Variants in ZNF713 observed in about 807,000 individuals in gnomAD.
ZNF713 encodes the protein zinc finger protein 713.
In ZNF713, 21 loss-of-function variants were observed where a neutral mutation model predicts 28.7. The ratio of observed to expected loss-of-function variants is 0.73; its 90% CI spans 0.52 to 1.05. ZNF713 has a LOEUF of 1.05. Among genes scored for constraint, ZNF713 ranks in the 50% least tolerant of loss-of-function variants. The probability of loss-of-function intolerance (pLI) is 0.00; values close to 1 mark genes in which losing one functional copy is unlikely to be tolerated. For synonymous variants in ZNF713, 167 were observed against 178.0 expected, an observed-to-expected ratio of 0.94 and a Z score of 0.49; for missense variants, 458 against 532.4, an observed-to-expected ratio of 0.86 and a Z score of 1.37.
Position 55,939,363 on chromosome 7 carries a change from T to C in ZNF713, c.689T>C (p.Val230Ala). Residue 230 changes from valine (V) to alanine (A), a missense_variant, in exon 7 of 7, where the codon GTA becomes GCA. Physicochemically the swap from Val to Ala is moderately conservative, Grantham distance 64. Coordinates refer to ENST00000429591, the MANE Select transcript of ZNF713 (RefSeq NM_182633.3). ...TTGATTTACTATCAGGGAAATTATG[T>C]AAGAGAGACTCCCTATGAATATAGT... ...SDLIYYQGNY[V>A]RETPYEYSEC... 1 of 1,613,998 alleles carries C rather than the reference T, an allele frequency of 6.2e-7. No individual in the cohort carries two copies. Among genetic ancestry groups the C allele is most frequent in the Non-Finnish European group, 8.5e-7 (1 of 1,180,010 alleles).
intron 1 of ZNF713, among the ~76,000 whole-genome samples, chr7:55,891,784 A>AT (rs1785384130): frequency 6.6e-6 from 1 of 152,108 alleles, no homozygotes; most frequent in African/African-American, 2.4e-5. Flanking sequence ...TTCATGATAT[A>AT]TAATGGTTTG....
intron 6 of ZNF713, among the ~76,000 whole-genome samples, chr7:55,938,298 T>A (rs13243072): frequency 0.046 from 6,951 of 152,196 alleles, 328 homozygotes; most frequent in East Asian, 0.22. Flanking sequence ...TAAGTAAAGT[T>A]TAAAGAAGTT....
chr7:55,934,365 T>C (rs1456282099), intron 6 of ZNF713, among the ~76,000 whole-genome samples: 2 of 152,096 alleles, frequency 1.3e-5, no homozygotes, highest in Non-Finnish European at 1.5e-5. Context: ...TATGGGGAAA[T>C]GCTCAAGCTA....
chr7:55,887,872 GGCGGC>G (rs1562731868), intron 1 of ZNF713, among the ~76,000 whole-genome samples, 192 bp downstream of exon 1: 1 of 4,852 alleles, frequency 2.1e-4, no homozygotes, highest in African/African-American at 7.3e-4. Flanking sequence ...GGGCGGCGGC[GGCGGC>G]GGCGGCGGCG....
Position 55,887,828 on chromosome 7 carries a change from C to T in ZNF713, c.-583+148C>T, listed in dbSNP as rs1433226832. On this transcript the variant is annotated intron_variant, in intron 1 of 6. Transcript: ENST00000429591. ...GGGGCGGCGGGCGGCGGGCGGCGGG[C>T]GGCGGGCGGCGGGCGGCGGCGGCGG... is the stretch of plus-strand genomic sequence containing the variant. The T allele has an allele frequency of 2.3e-3, 15 of 6,666 alleles. 2 individuals carry two copies. Among genetic ancestry groups the T allele is most frequent in the South Asian group, 0.016 (2 of 128 alleles). The allele number at this position is 6,666 out of a possible 1,614,324, so 0.4% of individuals were successfully genotyped here. A position where few individuals can be genotyped will look rare whatever the true frequency, so the allele number is the denominator to read the frequency against.
rs1786029425 is a variant in ZNF713 at position 55,923,280 on chromosome 7, T to C, written c.206T>C (p.Val69Ala). ...DVMLENYRNL[V>A]ALGYQLCKPE... ...ATGCTGGAGAACTACAGGAATCTAG[T>C]TGCACTGGGTGAGGATGGCATCCCT... The change falls in exon 5 of 7, where the codon GTT (valine) becomes GCT (alanine). Residue 69 changes from valine (V) to alanine (A), a missense_variant. Val to Ala is a moderately conservative substitution (Grantham distance 64). Transcript: ENST00000429591. The C allele has an allele frequency of 1.4e-5, 22 of 1,611,822 alleles. No individual in the cohort carries two copies. Among genetic ancestry groups the C allele is most frequent in the Non-Finnish European group, 1.9e-5 (22 of 1,179,188 alleles).
intron 4 of ZNF713, among the ~76,000 whole-genome samples, chr7:55,914,339 A>G (rs936155692): frequency 1.3e-5 from 2 of 152,062 alleles, no homozygotes; most frequent in Non-Finnish European, 2.9e-5. Flanking sequence ...CAATAAACTC[A>G]TTGAAGGGGA....
intron 4 of ZNF713, among the ~76,000 whole-genome samples, chr7:55,919,082 GTGCC>G (rs1337255781): frequency 3.3e-5 from 5 of 152,096 alleles, no homozygotes; most frequent in Non-Finnish European, 7.4e-5. Flanking sequence ...AAAATTGAAA[GTGCC>G]AACTGGCAGT....
At position 55,912,719 on chromosome 7, in the gene ZNF713, C is replaced by A; in HGVS notation, c.83C>A (p.Ser28Tyr). The change falls in exon 4 of 7, where the codon TCT becomes TAT. Residue 28 changes from serine (S) to tyrosine (Y), a missense_variant. By Grantham distance (144) the Ser-to-Tyr change is moderately radical (BLOSUM62 -2). Transcript: ENST00000429591. ...EMNDGSQMVR[S>Y]QESLTFQDVA... ...AATGATGGCTCACAGATGGTGAGAT[C>A]TCAGGTAAGTTCAGTTTTCCTCTCC... The A allele has an allele frequency of 6.2e-7, 1 of 1,612,634 alleles. No individual in the cohort carries two copies. Among genetic ancestry groups the A allele is most frequent in the Non-Finnish European group, 8.5e-7 (1 of 1,179,168 alleles).
At chr7:55,895,538 G>A (rs770545640) in intron 1 of ZNF713, among the ~76,000 whole-genome samples, 1 of 129,668 alleles carries the variant, frequency 7.7e-6, no homozygotes, top group Non-Finnish European at 1.6e-5. Context: ...GCATGATCTC[G>A]GCTCACTGTA....
intron 1 of ZNF713, among the ~76,000 whole-genome samples, chr7:55,891,758 A>G (rs534593816): frequency 1.3e-5 from 2 of 151,764 alleles, no homozygotes; most frequent in Non-Finnish European, 2.9e-5. Context: ...TGTAATTTTT[A>G]TTTCACCCAC....
chr7:55,894,505 A>T (rs1562734795), intron 1 of ZNF713, among the ~76,000 whole-genome samples: 1 of 152,262 alleles, frequency 6.6e-6, no homozygotes, highest in Non-Finnish European at 1.5e-5. Flanking sequence ...TAAAGCAATG[A>T]TTAAATATGT....
At chr7:55,935,713 G>C (rs1331909427) in intron 6 of ZNF713, among the ~76,000 whole-genome samples, 1 of 152,140 alleles carries the variant, frequency 6.6e-6, no homozygotes, top group Non-Finnish European at 1.5e-5. Context: ...CAGCACTTTG[G>C]GAGGCCGAGG....
At position 55,940,093 on chromosome 7, in the gene ZNF713, A is replaced by T; in HGVS notation, c.*87A>T. The T allele has an allele frequency of 6.8e-7, 1 of 1,479,116 alleles. No homozygotes were observed. The highest frequency in any genetic ancestry group is 8.9e-7 in the Non-Finnish European group (1 of 1,121,018). The allele number at this position is 1,479,116 out of a possible 1,614,324, so 91.6% of individuals were successfully genotyped here. Reference sequence around the variant, plus strand: ...TATCCCATTCAATATCAAATTATTCATAGTGGAGAGAAAGCTTATACATAA... The same window carrying T: ...TATCCCATTCAATATCAAATTATTCTTAGTGGAGAGAAAGCTTATACATAA... On this transcript the variant is annotated 3_prime_UTR_variant, in exon 7 of 7. Coordinates refer to ENST00000429591, the MANE Select transcript of ZNF713 (RefSeq NM_182633.3).
In ZNF713 at chr7:55,940,718, G is replaced by T. The variant is rs1786449724; in HGVS notation, c.*712G>T. The T allele has an allele frequency of 4.7e-6, 1 of 211,110 alleles. No individual in the cohort carries two copies. Among genetic ancestry groups the T allele is most frequent in the Non-Finnish European group, 7.9e-6 (1 of 126,742 alleles). The allele number at this position is 211,110 out of a possible 1,614,324, so 13.1% of individuals were successfully genotyped here. A position where few individuals can be genotyped will look rare whatever the true frequency, so the allele number is the denominator to read the frequency against. On this transcript the variant is annotated 3_prime_UTR_variant, in exon 7 of 7. Transcript: ENST00000429591. Reference sequence around the variant, plus strand: ...ATCATGCCACTGTACTCCAGCCTGGGCAACAGAGCAAGACTCTGTCTCAAA... The same window carrying T: ...ATCATGCCACTGTACTCCAGCCTGGTCAACAGAGCAAGACTCTGTCTCAAA...
chr7:55,910,906 C>G, intron 2 of ZNF713, among the ~76,000 whole-genome samples: 1 of 152,246 alleles, frequency 6.6e-6, no homozygotes, highest in East Asian at 1.9e-4. Flanking sequence ...GTTCTTTCTG[C>G]AGACAACTGG....
intron 6 of ZNF713, among the ~76,000 whole-genome samples, chr7:55,931,998 T>G (rs1786219436): frequency 1.3e-5 from 2 of 152,114 alleles, no homozygotes; most frequent in Non-Finnish European, 2.9e-5. Flanking sequence ...CACTCTGGAG[T>G]CAAAGTCCAC....
At chr7:55,903,512 A>G (rs1293111429) in intron 1 of ZNF713, among the ~76,000 whole-genome samples, 1 of 152,022 alleles carries the variant, frequency 6.6e-6, no homozygotes, top group Non-Finnish European at 1.5e-5. Flanking sequence ...TCTGCTAAAA[A>G]TACAAAAATT....
chr7:55,901,910 G>A (rs1461433546), intron 1 of ZNF713, among the ~76,000 whole-genome samples: 2 of 152,226 alleles, frequency 1.3e-5, no homozygotes, highest in African/African-American at 4.8e-5. Context: ...ATGTCAATAT[G>A]ACTGAGCACA....
Sources: allele counts gnomAD v4.1 joint callset (sites outside exome capture counted in the v4.1 genomes callset), GRCh38; gene constraint gnomAD v4.1.1; transcripts MANE v1.5; gene names NCBI Gene and HGNC (gene_info 2026-07-23, HGNC 2026-07-21).